AKR1C3: variants seen among roughly 807,000 people sequenced by gnomAD.
AKR1C3 encodes the protein 3-alpha hydroxysteroid dehydrogenase, type II.
A neutral mutation model predicts 43.6 loss-of-function variants in AKR1C3; 48 were observed. The ratio of observed to expected loss-of-function variants is 1.10; its 90% CI spans 0.87 to 1.40. The LOEUF is 1.40. AKR1C3 is among the 40% of genes most tolerant of loss of function. The probability of loss-of-function intolerance (pLI) is 0.00; values close to 1 mark genes in which losing one functional copy is unlikely to be tolerated. For synonymous variants in AKR1C3, 162 were observed against 139.6 expected, an observed-to-expected ratio of 1.16 and a Z score of -1.13; for missense variants, 482 against 391.2, an observed-to-expected ratio of 1.23 and a Z score of -1.96.
chr10:5,070,141 C>A (rs912484562), intron 1 of AKR1C3, among the ~76,000 whole-genome samples: 7 of 152,214 alleles, frequency 4.6e-5, no homozygotes, highest in African/African-American at 1.7e-4. Flanking sequence ...CAGAATTCTG[C>A]AGTTTTCTCT....
chr10:5,101,524 A>C (rs950910789), intron 5 of AKR1C3, among the ~76,000 whole-genome samples: 2 of 152,188 alleles, frequency 1.3e-5, no homozygotes, highest in Non-Finnish European at 2.9e-5. Context: ...ATAACCACCA[A>C]TGGTGGAGGC....
At chr10:5,090,618 C>T (rs1839069201), upstream of AKR1C3, among the ~76,000 whole-genome samples, 1 of 152,092 alleles carries the variant, frequency 6.6e-6, no homozygotes, top group Non-Finnish European at 1.5e-5. Context: ...GAAGGAGAGG[C>T]TCCACCTTTC....
At chr10:5,089,076 A>G (rs1053988906) in intron 1 of AKR1C3, among the ~76,000 whole-genome samples, 3 of 152,080 alleles carry the variant, frequency 2.0e-5, no homozygotes, top group Non-Finnish European at 2.9e-5. Context: ...TAGGCCCCCA[A>G]TATCTTCCGA....
chr10:5,057,371 C>T (rs1053635284), intron 1 of AKR1C3, among the ~76,000 whole-genome samples: 13 of 152,158 alleles, frequency 8.5e-5, no homozygotes, highest in Admixed American at 2.6e-4. Context: ...CTCTTGGTCC[C>T]TATTATAGAA....
At chr10:5,085,746 C>T (rs1346918644) in intron 1 of AKR1C3, among the ~76,000 whole-genome samples, 1 of 151,780 alleles carries the variant, frequency 6.6e-6, no homozygotes, top group Non-Finnish European at 1.5e-5. Flanking sequence ...ATTGCCTCAA[C>T]TTCAGAGCCT....
Position 5,107,509 on chromosome 10 carries a change from A to T in AKR1C3, c.*6A>T, listed in dbSNP as rs1839537242. The T allele has an allele frequency of 1.3e-6, 2 of 1,588,466 alleles. No homozygotes were observed. Among genetic ancestry groups the T allele is most frequent in the African/African-American group, 2.7e-5 (2 of 74,206 alleles). ...CATATTCAGATGAATATTAACATGG[A>T]GGGCTTTGCCTGATGTCTACCAGAA... is the stretch of plus-strand genomic sequence containing the variant. On this transcript the variant is annotated 3_prime_UTR_variant, in exon 9 of 9. Coordinates refer to ENST00000380554, the MANE Select transcript of AKR1C3 (RefSeq NM_003739.6).
In AKR1C3 at chr10:5,097,567, A is replaced by C; in HGVS notation, c.369+17A>C. ...TCTCTAAAGGTATGCAGTTTGTATG[A>C]GCATAAAATTGCGCTTCTGCTGTCA... On this transcript the variant is annotated intron_variant, in intron 3 of 8. Transcript: ENST00000380554. The C allele has an allele frequency of 6.2e-7, 1 of 1,613,092 alleles. No individual in the cohort carries two copies. The highest frequency in any genetic ancestry group is 8.5e-7 in the Non-Finnish European group (1 of 1,179,254).
At chr10:5,054,708 T>G (rs1838222540) in intron 1 of AKR1C3, among the ~76,000 whole-genome samples, 1 of 152,194 alleles carries the variant, frequency 6.6e-6, no homozygotes, top group Non-Finnish European at 1.5e-5. Flanking sequence ...TCCTTCTCTT[T>G]GTCTCTTTCT....
intron 7 of AKR1C3, among the ~76,000 whole-genome samples, chr10:5,104,280 C>G (rs587680927): frequency 6.6e-6 from 1 of 152,140 alleles, no homozygotes; most frequent in South Asian, 2.1e-4. Context: ...TTTTTCAATA[C>G]TAAGTAAAAT....
At chr10:5,069,512 G>A (rs1554781129) in intron 1 of AKR1C3, among the ~76,000 whole-genome samples, 1 of 152,076 alleles carries the variant, frequency 6.6e-6, no homozygotes, top group African/African-American at 2.4e-5. Flanking sequence ...AGCACATTTT[G>A]CCTACTGAAT....
chr10:5,060,427 C>T (rs1325290867), intron 1 of AKR1C3, among the ~76,000 whole-genome samples: 2 of 152,172 alleles, frequency 1.3e-5, no homozygotes, highest in Non-Finnish European at 2.9e-5. Flanking sequence ...CAAAGGTTCT[C>T]CAAGTCCCCA....
upstream of AKR1C3, chr10:5,048,796 C>T (rs1838088180): frequency 1.2e-6 from 2 of 1,611,458 alleles, no homozygotes; most frequent in South Asian, 2.2e-5. Context: ...ATTTGCTAGC[C>T]AGCTGAGTGA....
At chr10:5,049,762 C>T (rs4525119) in intron 1 of AKR1C3, among the ~76,000 whole-genome samples, 46,165 of 152,108 alleles carry the variant, frequency 0.3, 7,134 homozygotes, top group East Asian at 0.4. Context: ...GGAGAGGACT[C>T]ATAGGAGCTT....
At chr10:5,094,379 C>T, upstream of AKR1C3, 1 of 1,568,130 alleles carries the variant, frequency 6.4e-7, no homozygotes, top group East Asian at 2.4e-5. Flanking sequence ...GTTTCCTGCC[C>T]ATTGTTTTTG....
At chr10:5,081,229 G>C (rs1256415496) in intron 1 of AKR1C3, among the ~76,000 whole-genome samples, 13 of 152,094 alleles carry the variant, frequency 8.5e-5, no homozygotes, top group African/African-American at 3.1e-4. Flanking sequence ...TAAGAAAGTG[G>C]CCTGTGGGGC....
intron 1 of AKR1C3, chr10:5,077,749 G>A (rs1269349775): frequency 8.8e-7 from 1 of 1,136,784 alleles, no homozygotes; most frequent in African/African-American, 1.6e-5. Flanking sequence ...AAAAGGTGCA[G>A]CTCACTGCCA....
At chr10:5,099,595 A>G in intron 5 of AKR1C3, 146 bp downstream of exon 5, 1 of 1,415,784 alleles carries the variant, frequency 7.1e-7, no homozygotes, top group African/African-American at 1.4e-5. Flanking sequence ...AAAGGCGTGA[A>G]GATTTCTTGT....
chr10:5,088,410 T>A (rs1033905461), intron 1 of AKR1C3, among the ~76,000 whole-genome samples: 2 of 152,038 alleles, frequency 1.3e-5, no homozygotes, highest in Admixed American at 6.6e-5. Flanking sequence ...TCTGCAACAT[T>A]TATAAGTGGG....
In AKR1C3 at chr10:5,096,560, A is replaced by T; in HGVS notation, c.235A>T (p.Ile79Leu). 1 of 1,613,606 alleles carries T rather than the reference A, an allele frequency of 6.2e-7. No homozygotes were observed. The highest frequency in any genetic ancestry group is 8.5e-7 in the Non-Finnish European group (1 of 1,179,624). ...IADGSVKRED[I>L]FYTSKLWSTF... ...AGATGGCAGTGTGAAGAGAGAAGAC[A>T]TATTCTACACTTCAAAGGTACTGTG... is the stretch of plus-strand genomic sequence containing the variant. Residue 79 changes from isoleucine (I) to leucine (L), a missense_variant, in exon 2 of 9, where the codon ATA becomes TTA. Coordinates refer to ENST00000380554, the MANE Select transcript of AKR1C3 (RefSeq NM_003739.6).
Sources: allele counts gnomAD v4.1 joint callset (sites outside exome capture counted in the v4.1 genomes callset), GRCh38; gene constraint gnomAD v4.1.1; transcripts MANE v1.5; gene names NCBI Gene and HGNC (gene_info 2026-07-23, HGNC 2026-07-21).